The following RIPOR2 variants were observed in gnomAD, a reference collection of about 807,000 sequenced individuals.
The protein encoded by RIPOR2 is rho family-interacting cell polarization regulator 2.
A neutral mutation model predicts 114.5 loss-of-function variants in RIPOR2; 39 were observed. The ratio of observed to expected loss-of-function variants is 0.34; its 90% CI spans 0.26 to 0.44. The LOEUF (loss-of-function observed/expected upper bound fraction) is 0.44, where lower values mean the gene tolerates loss of function less well. RIPOR2 is among the 20% of genes least tolerant of loss of function. The probability of loss-of-function intolerance (pLI) is 1.00; values close to 1 mark genes in which losing one functional copy is unlikely to be tolerated. For missense variants in RIPOR2, 1,007 were observed against 1,255.1 expected (o/e 0.80, Z 2.99); for synonymous variants, 445 against 484.4 (o/e 0.92, Z 1.07).
chr6:24,822,729 AGGCT>A (rs1462455631), intron 19 of RIPOR2, among the ~76,000 whole-genome samples: 1 of 152,196 alleles, frequency 6.6e-6, no homozygotes, highest in Non-Finnish European at 1.5e-5. Flanking sequence ...TATATTGGCC[AGGCT>A]GGTCTCGAAG....
intron 1 of RIPOR2, among the ~76,000 whole-genome samples, chr6:24,935,320 C>CAAAAAAAAAAAAAA (rs976245217): frequency 9.2e-5 from 2 of 21,818 alleles, no homozygotes; most frequent in African/African-American, 2.0e-4. Context: ...AAAACAACAA[C>CAAAAAAAAAAAAAA]AAAAAAAAAA....
chr6:24,975,478 T>C (rs9393599), intron 1 of RIPOR2, among the ~76,000 whole-genome samples: 27,274 of 152,092 alleles, frequency 0.18, 3,171 homozygotes, highest in East Asian at 0.56. Context: ...GGTACAAATA[T>C]TCAGTTATCA....
intron 1 of RIPOR2, among the ~76,000 whole-genome samples, chr6:24,969,539 G>A (rs1290967586): frequency 1.3e-5 from 2 of 152,232 alleles, no homozygotes; most frequent in African/African-American, 2.4e-5. Context: ...TGGGCCACTT[G>A]TTGGAGTGGG....
chr6:24,991,747 G>C (rs1277917388), intron 1 of RIPOR2, among the ~76,000 whole-genome samples: 1 of 152,052 alleles, frequency 6.6e-6, no homozygotes, highest in Non-Finnish European at 1.5e-5. Context: ...CCAAACCTCA[G>C]CTTAAAGGGT....
rs746338966 is a variant in RIPOR2 at position 24,875,799 on chromosome 6, G to A, written c.80C>T (p.Pro27Leu). The A allele has an allele frequency of 2.0e-5, 32 of 1,611,698 alleles. No individual in the cohort carries two copies. Among genetic ancestry groups the A allele is most frequent in the South Asian group, 5.5e-5 (5 of 90,512 alleles). Residue 27 changes from proline to leucine, a missense_variant, in exon 2 of 22, where the codon CCG (proline) becomes CTG (leucine). Pro to Leu is a moderately conservative substitution (Grantham distance 98). Coordinates refer to ENST00000643898, the MANE Select transcript of RIPOR2 (RefSeq NM_001286445.3). ...VFGEGLPTRLPEIMLVGSQSF... is the reference protein window; with the variant it reads ...VFGEGLPTRLLEIMLVGSQSF... ...CTGGGATCCTACCAACATGATTTCCGGGAGTCTGGTCGGTAGTCCTAGAAG... is the reference window on the plus strand; with the variant it reads ...CTGGGATCCTACCAACATGATTTCCAGGAGTCTGGTCGGTAGTCCTAGAAG...
chr6:24,966,506 C>A (rs191843391), intron 1 of RIPOR2, among the ~76,000 whole-genome samples: 112 of 152,198 alleles, frequency 7.4e-4, no homozygotes, highest in African/African-American at 2.5e-3. Flanking sequence ...GGGTCCCTGC[C>A]GAGTCGGGAA....
chr6:24,822,677 C>A (rs1759803629), intron 19 of RIPOR2, among the ~76,000 whole-genome samples: 1 of 152,122 alleles, frequency 6.6e-6, no homozygotes, highest in Non-Finnish European at 1.5e-5. Context: ...CACCACCACG[C>A]CCAGCTAATT....
intron 1 of RIPOR2, among the ~76,000 whole-genome samples, chr6:24,967,556 G>A (rs1358588415): frequency 6.6e-6 from 1 of 152,150 alleles, no homozygotes; most frequent in Non-Finnish European, 1.5e-5. Flanking sequence ...CTTCTGACAT[G>A]CCCTGGGTGC....
chr6:24,869,932 G>T (rs930890433), intron 5 of RIPOR2, among the ~76,000 whole-genome samples: 1 of 152,040 alleles, frequency 6.6e-6, no homozygotes, highest in African/African-American at 2.4e-5. Flanking sequence ...TCTTTGAGTT[G>T]TAATTATTAT....
At chr6:24,959,390 A>C (rs982312375) in intron 1 of RIPOR2, among the ~76,000 whole-genome samples, 6 of 152,040 alleles carry the variant, frequency 3.9e-5, no homozygotes, top group Non-Finnish European at 7.4e-5. Flanking sequence ...TGTCCATGAC[A>C]GGTCCTAGGA....
intron 1 of RIPOR2, among the ~76,000 whole-genome samples, chr6:24,895,447 A>G (rs1197825275): frequency 9.6e-6 from 1 of 104,336 alleles, no homozygotes; most frequent in Non-Finnish European, 1.8e-5. Flanking sequence ...TTAAAAAAAA[A>G]AAAAATCTTC....
Position 24,806,107 on chromosome 6 carries a change from G to A in RIPOR2, c.*266C>T, listed in dbSNP as rs989512890. Reference sequence around the variant, plus strand: ...TGGGACTACAGGTGCATGCCACCACGCCTGACTAATTAAACTATTTTTTTT... The same window carrying A: ...TGGGACTACAGGTGCATGCCACCACACCTGACTAATTAAACTATTTTTTTT... On this transcript the variant is annotated 3_prime_UTR_variant, in exon 22 of 22. Coordinates refer to ENST00000643898, the MANE Select transcript of RIPOR2 (RefSeq NM_001286445.3). 3 of 406,022 alleles carry A rather than the reference G, an allele frequency of 7.4e-6. No homozygotes were observed. Among genetic ancestry groups the A allele is most frequent in the East Asian group, 5.2e-5 (1 of 19,218 alleles). 25.2% of individuals were successfully genotyped at this position (406,022 alleles called of 1,614,324 possible). A position where few individuals can be genotyped will look rare whatever the true frequency, so the allele number is the denominator to read the frequency against.
intron 1 of RIPOR2, chr6:24,976,527 T>A: frequency 6.3e-7 from 1 of 1,588,912 alleles, no homozygotes; most frequent in Non-Finnish European, 8.6e-7. Flanking sequence ...GCTCATCTAA[T>A]CCATAAAGCT....
At chr6:24,888,779 T>C (rs1230341781) in intron 1 of RIPOR2, among the ~76,000 whole-genome samples, 1 of 152,242 alleles carries the variant, frequency 6.6e-6, no homozygotes, top group Non-Finnish European at 1.5e-5. Context: ...AGATTTTTCA[T>C]ATGGCCAATT....
intron 1 of RIPOR2, among the ~76,000 whole-genome samples, chr6:25,016,491 C>G (rs1316554301): frequency 1.3e-5 from 2 of 152,174 alleles, no homozygotes; most frequent in African/African-American, 4.8e-5. Context: ...TGTTACTGCA[C>G]TTAAGCATTC....
At chr6:24,820,548 C>G (rs1323723015) in intron 19 of RIPOR2, among the ~76,000 whole-genome samples, 1 of 152,186 alleles carries the variant, frequency 6.6e-6, no homozygotes, top group Non-Finnish European at 1.5e-5. Flanking sequence ...CAGTCGCTGG[C>G]AACCACTAAT....
chr6:24,847,472 G>C, intron 12 of RIPOR2: 2 of 1,463,150 alleles, frequency 1.4e-6, no homozygotes, highest in African/African-American at 1.4e-5. Context: ...TAAAACAAGA[G>C]ACATGCTAAG....
At chr6:24,828,097 T>A (rs1213978189) in intron 18 of RIPOR2, 40 bp downstream of exon 18, 2 of 1,468,956 alleles carry the variant, frequency 1.4e-6, no homozygotes, top group Non-Finnish European at 1.8e-6. Context: ...TAACGCCAAA[T>A]TGAGCCACCA....
intron 1 of RIPOR2, among the ~76,000 whole-genome samples, chr6:24,958,339 C>A (rs2114215958): frequency 6.6e-6 from 1 of 152,286 alleles, no homozygotes; most frequent in Non-Finnish European, 1.5e-5. Flanking sequence ...ATTAATTTAA[C>A]ACAATATTAA....
Sources: allele counts gnomAD v4.1 joint callset (sites outside exome capture counted in the v4.1 genomes callset), GRCh38; gene constraint gnomAD v4.1.1; transcripts MANE v1.5; gene names NCBI Gene and HGNC (gene_info 2026-07-23, HGNC 2026-07-21).